Variants in ATRNL1 observed in about 807,000 individuals in gnomAD.
ATRNL1 encodes the protein attractin-like protein 1.
A neutral mutation model predicts 182.7 loss-of-function variants in ATRNL1; 95 were observed. The ratio of observed to expected loss-of-function variants is 0.52; its 90% confidence interval spans 0.44 to 0.62. The LOEUF is 0.62. Among genes scored for constraint, ATRNL1 ranks in the 20% least tolerant of loss-of-function variants. The pLI, the probability that ATRNL1 is intolerant of heterozygous loss-of-function variation, is 0.00. For synonymous variants in ATRNL1, 576 were observed against 568.3 expected (o/e 1.01, Z -0.19); for missense variants, 1,471 against 1,679.5 (o/e 0.88, Z 2.17).
At chr10:115,616,425 A>G (rs1267728223) in intron 26 of ATRNL1, among the ~76,000 whole-genome samples, 2 of 152,222 alleles carry the variant, frequency 1.3e-5, no homozygotes, top group African/African-American at 4.8e-5. Flanking sequence ...GGTAGAAAAG[A>G]AAAACCAATT....
chr10:115,095,137 T>G (rs115044218), intron 1 of ATRNL1, among the ~76,000 whole-genome samples: 145 of 152,228 alleles, frequency 9.5e-4, no homozygotes, highest in African/African-American at 3.4e-3. Context: ...AACATGCAGG[T>G]AACAGTCATT....
intron 27 of ATRNL1, among the ~76,000 whole-genome samples, chr10:115,791,507 T>C (rs1555081772): frequency 6.6e-6 from 1 of 152,166 alleles, no homozygotes; most frequent in Non-Finnish European, 1.5e-5. Context: ...TTCCCATATG[T>C]TTTCTTATTA....
In ATRNL1 at chr10:115,427,150, C is replaced by A. The variant is rs184609834; in HGVS notation, c.3322+848C>A. On this transcript the variant is annotated intron_variant, in intron 21 of 28. Coordinates refer to ENST00000355044, the MANE Select transcript of ATRNL1 (RefSeq NM_207303.4). ...TTCAGAAACTTTTTTAGAGTTAGTC[C>A]AAGTTTTAGCCATTCTAATAGGTGT... is the stretch of plus-strand genomic sequence containing the variant. Among the ~76,000 whole-genome samples the A allele has an allele frequency of 1.1e-4, 17 of 152,132 alleles. No homozygotes were observed. The East Asian group carries it at 3.3e-3, about 29-fold the overall frequency.
At chr10:115,370,003 G>T (rs1312022470) in intron 19 of ATRNL1, among the ~76,000 whole-genome samples, 1 of 152,148 alleles carries the variant, frequency 6.6e-6, no homozygotes, top group Non-Finnish European at 1.5e-5. Context: ...GAATCACAGG[G>T]GTGGATCTTT....
chr10:115,378,122 G>A (rs559359689), intron 19 of ATRNL1, among the ~76,000 whole-genome samples: 11 of 152,240 alleles, frequency 7.2e-5, no homozygotes, highest in Non-Finnish European at 1.6e-4. Context: ...CTGAGGCCAA[G>A]GTCTTCATAT....
intron 15 of ATRNL1, among the ~76,000 whole-genome samples, chr10:115,292,761 T>C (rs1852979764): frequency 6.6e-6 from 1 of 152,258 alleles, no homozygotes; most frequent in Non-Finnish European, 1.5e-5. Flanking sequence ...TTTGTTGATA[T>C]TTGCTTTGTG....
At chr10:115,407,239 C>T (rs782200005) in intron 20 of ATRNL1, among the ~76,000 whole-genome samples, 3 of 152,080 alleles carry the variant, frequency 2.0e-5, no homozygotes, top group Non-Finnish European at 4.4e-5. Flanking sequence ...AACATTAACA[C>T]AAATTATCTT....
intron 19 of ATRNL1, among the ~76,000 whole-genome samples, chr10:115,381,915 A>G (rs1020633032): frequency 6.6e-6 from 1 of 151,984 alleles, no homozygotes; most frequent in Non-Finnish European, 1.5e-5. Flanking sequence ...TTTTTTAAAC[A>G]TGCATATCTA....
chr10:115,660,013 G>A (rs75319900), intron 26 of ATRNL1, among the ~76,000 whole-genome samples: 3,063 of 152,232 alleles, frequency 0.02, 67 homozygotes, highest in East Asian at 0.12. Flanking sequence ...GAAGCAAGAA[G>A]CATGACATGA....
At chr10:115,205,838 C>T (rs974925331) in intron 8 of ATRNL1, among the ~76,000 whole-genome samples, 4 of 151,972 alleles carry the variant, frequency 2.6e-5, no homozygotes, top group African/African-American at 9.7e-5. Flanking sequence ...AATATTTTTG[C>T]TTTCAACCAT....
At chr10:115,857,127 A>G (rs1951207371) in intron 28 of ATRNL1, among the ~76,000 whole-genome samples, 2 of 152,138 alleles carry the variant, frequency 1.3e-5, no homozygotes, top group Admixed American at 1.3e-4. Flanking sequence ...GATTTTCTTA[A>G]TAACATTTTC....
At chr10:115,501,912 T>C (rs1849860552) in intron 24 of ATRNL1, among the ~76,000 whole-genome samples, 1 of 152,072 alleles carries the variant, frequency 6.6e-6, no homozygotes, top group African/African-American at 2.4e-5. Context: ...ATCTTCAAAG[T>C]TATCAGAGAT....
rs186281709 is a variant in ATRNL1 at position 115,713,774 on chromosome 10, T to G, written c.3796-13474T>G. ...TATAGTCTCTCCATAAGAGATTGAA[T>G]GAGCCAAGAAAGCTGTCTAGTCATC... On this transcript the variant is annotated intron_variant, in intron 26 of 28. Coordinates refer to ENST00000355044, the MANE Select transcript of ATRNL1 (RefSeq NM_207303.4). 1.7e-4 allele frequency among the ~76,000 whole-genome samples: 26 copies of G among 152,122 alleles called. No homozygotes were observed. The East Asian group carries it at 5.0e-3, about 29-fold the overall frequency.
intron 9 of ATRNL1, among the ~76,000 whole-genome samples, chr10:115,239,857 A>C (rs1850341315): frequency 6.6e-6 from 1 of 152,166 alleles, no homozygotes. Context: ...GATCTTTCCC[A>C]GAACAGAGCT....
intron 27 of ATRNL1, among the ~76,000 whole-genome samples, chr10:115,783,226 CCACACACA>C (rs56301408): frequency 9.8e-4 from 147 of 149,858 alleles, no homozygotes; most frequent in Non-Finnish European, 1.5e-3. Context: ...CTATATGATG[CCACACACA>C]CACACACACA....
At chr10:115,934,565 A>C (rs2134602619) in intron 28 of ATRNL1, among the ~76,000 whole-genome samples, 1 of 152,116 alleles carries the variant, frequency 6.6e-6, no homozygotes, top group African/African-American at 2.4e-5. Context: ...CAGGTACTCA[A>C]GAGTGCCCTA....
At position 115,301,989 on chromosome 10, in the gene ATRNL1, A is replaced by G. The variant is rs782084938; in HGVS notation, c.2764A>G (p.Ile922Val). Residue 922 changes from isoleucine to valine, a missense_variant, in exon 17 of 29, where the codon ATC becomes GTC. Ile to Val is a conservative substitution (Grantham distance 29, BLOSUM62 3). Transcript: ENST00000355044. ...ACGATGTGTTGACTCTAATGCCTAT[A>G]TCATCTCTTTTCCATATGGACAATG... ...TKRCVDSNAY[I>V]ISFPYGQCLE... The G allele has an allele frequency of 5.0e-6, 8 of 1,614,064 alleles. No homozygotes were observed. The Admixed American group carries it at 1.2e-4, about 24-fold the overall frequency.
intron 21 of ATRNL1, among the ~76,000 whole-genome samples, chr10:115,447,670 A>T (rs1847070668): frequency 6.6e-6 from 1 of 151,812 alleles, no homozygotes; most frequent in Admixed American, 6.6e-5. Flanking sequence ...TTATTTCCCC[A>T]TTCTCCTTTT....
At chr10:115,720,566 C>T (rs1208942043) in intron 26 of ATRNL1, among the ~76,000 whole-genome samples, 1 of 152,126 alleles carries the variant, frequency 6.6e-6, no homozygotes, top group East Asian at 1.9e-4. Flanking sequence ...TTGACAATTT[C>T]CAGAGTTCCA....
Sources: allele counts gnomAD v4.1 joint callset (sites outside exome capture counted in the v4.1 genomes callset), GRCh38; gene constraint gnomAD v4.1.1; transcripts MANE v1.5; gene names NCBI Gene and HGNC (gene_info 2026-07-23, HGNC 2026-07-21).